COL26A1: variants seen among roughly 807,000 people sequenced by gnomAD.
COL26A1 encodes the protein collagen alpha-1(XXVI) chain.
COL26A1 carries 41 observed loss-of-function variants against 59.3 expected under a neutral mutation model. The observed-to-expected ratio is 0.69, with a 90% CI of 0.54 to 0.90. The LOEUF (loss-of-function observed/expected upper bound fraction) is 0.90. COL26A1 is among the 40% of genes least tolerant of loss of function. COL26A1 has a pLI of 0.00. For synonymous variants in COL26A1, 266 were observed against 256.0 expected, an observed-to-expected ratio of 1.04 and a Z score of -0.37; for missense variants, 612 against 602.3, an observed-to-expected ratio of 1.02 and a Z score of -0.17.
chr7:101,555,860 T>TCCCAATCA lies in COL26A1; in HGVS notation c.1154_1155insCCCAATCA (p.Gly386ProfsTer22). 6.2e-7 allele frequency: 1 copy of TCCCAATCA among 1,609,202 alleles called. No homozygotes were observed. Among genetic ancestry groups the TCCCAATCA allele is most frequent in the African/African-American group, 1.3e-5 (1 of 74,958 alleles). On this transcript the variant is annotated frameshift_variant, in exon 12 of 13. Coordinates refer to ENST00000313669, the MANE Select transcript of COL26A1 (RefSeq NM_001278563.3). LOFTEE classifies it high-confidence loss of function. The stretch of plus-strand genomic sequence containing the variant: ...CGAGTCCTCATCCTGGAGCACATGA[T>TCCCAATCA]TGGGATCCACGGTGAGCAGTGACCA...
At chr7:101,389,919 C>T (rs573900003) in intron 1 of COL26A1, among the ~76,000 whole-genome samples, 38 of 152,174 alleles carry the variant, frequency 2.5e-4, no homozygotes, top group Non-Finnish European at 1.6e-4. Context: ...CTCCAGAGCC[C>T]AGGAGATTTC....
chr7:101,556,646 AATGG>A (rs956812779), intron 12 of COL26A1, among the ~76,000 whole-genome samples: 9 of 151,066 alleles, frequency 6.0e-5, no homozygotes, highest in African/African-American at 1.7e-4. Flanking sequence ...TGAATGAGTG[AATGG>A]ATGGATGGAT....
intron 3 of COL26A1, among the ~76,000 whole-genome samples, chr7:101,503,416 T>C (rs1794743825): frequency 6.6e-6 from 1 of 152,136 alleles, no homozygotes; most frequent in East Asian, 1.9e-4. Context: ...CTGCCCTGCC[T>C]TGTCACCCAG....
rs372046475 is a variant in COL26A1 at position 101,363,054 on chromosome 7, C to T, written c.22C>T (p.Pro8Ser). ...CACGATGAAGCTGGCCCTGCTCCTG[C>T]CCTGGGCGTGTTGCTGCCTCTGCGG... is the stretch of plus-strand genomic sequence containing the variant. MKLALLL[P>S]WACCCLCGSA... The change falls in exon 1 of 13, where the codon CCC (proline) becomes TCC (serine). Residue 8 changes from proline (P) to serine (S), a missense_variant. Coordinates refer to ENST00000313669, the MANE Select transcript of COL26A1 (RefSeq NM_001278563.3). 189 of 1,581,918 alleles carry T rather than the reference C, an allele frequency of 1.2e-4. No homozygotes were observed. The highest frequency in any genetic ancestry group is 1.6e-4 in the Non-Finnish European group (185 of 1,172,834).
chr7:101,482,962 A>G (rs1359174803), intron 3 of COL26A1, among the ~76,000 whole-genome samples: 1 of 152,182 alleles, frequency 6.6e-6, no homozygotes, highest in Non-Finnish European at 1.5e-5. Flanking sequence ...TCTCAAAAAA[A>G]TGAAAAACAA....
chr7:101,408,760 T>C lies in COL26A1; in HGVS notation c.159-11217T>C, dbSNP rs1048193371. 3.3e-5 allele frequency among the ~76,000 whole-genome samples: 5 copies of C among 152,348 alleles called. No individual in the cohort carries two copies. In the Middle Eastern group the frequency reaches 0.01, roughly 311 times the overall value. ...CATATTTGCCTGGTTGTATTTCATG[T>C]TGTTAGACTTGGCTCCTTGCTGCGG... On this transcript the variant is annotated intron_variant, in intron 1 of 12. Coordinates refer to ENST00000313669, the MANE Select transcript of COL26A1 (RefSeq NM_001278563.3).
chr7:101,378,581 C>T (rs1791373278), intron 1 of COL26A1, among the ~76,000 whole-genome samples: 1 of 151,906 alleles, frequency 6.6e-6, no homozygotes, highest in Admixed American at 6.6e-5. Context: ...AGGCTGGTCT[C>T]GAACTCCTGG....
intron 3 of COL26A1, among the ~76,000 whole-genome samples, chr7:101,470,666 G>A (rs1418106114): frequency 6.6e-6 from 1 of 151,942 alleles, no homozygotes; most frequent in Non-Finnish European, 1.5e-5. Context: ...CTGAGTATCC[G>A]CTGTCCCAGA....
intron 3 of COL26A1, among the ~76,000 whole-genome samples, chr7:101,526,144 G>A (rs938996085): frequency 2.0e-5 from 3 of 151,994 alleles, no homozygotes; most frequent in Admixed American, 6.6e-5. Flanking sequence ...CGCCTCCTGG[G>A]TTCAAGCGAT....
chr7:101,425,551 C>T (rs1767437558), intron 2 of COL26A1, among the ~76,000 whole-genome samples: 1 of 152,038 alleles, frequency 6.6e-6, no homozygotes, highest in African/African-American at 2.4e-5. Flanking sequence ...GGCTGGAGTG[C>T]AGTGGCGTGA....
intron 1 of COL26A1, among the ~76,000 whole-genome samples, chr7:101,403,392 G>A (rs1792059271): frequency 6.6e-6 from 1 of 152,056 alleles, no homozygotes; most frequent in Non-Finnish European, 1.5e-5. Flanking sequence ...GGTGGTATGT[G>A]CCTGTAATCC....
At chr7:101,490,700 C>CA (rs1279391354) in intron 3 of COL26A1, among the ~76,000 whole-genome samples, 10 of 144,036 alleles carry the variant, frequency 6.9e-5, no homozygotes, top group Admixed American at 2.1e-4. Flanking sequence ...GACTCTATCT[C>CA]AAAAAAAAAG....
chr7:101,519,592 G>A (rs749303967), intron 3 of COL26A1, among the ~76,000 whole-genome samples: 2 of 152,178 alleles, frequency 1.3e-5, no homozygotes, highest in Non-Finnish European at 2.9e-5. Context: ...CTCAGCCACT[G>A]CCAGCTGGGG....
At chr7:101,452,697 G>A (rs1474908969) in intron 3 of COL26A1, among the ~76,000 whole-genome samples, 1 of 151,146 alleles carries the variant, frequency 6.6e-6, no homozygotes, top group Non-Finnish European at 1.5e-5. Context: ...GAATATAATG[G>A]TAAGTATTTG....
chr7:101,496,398 A>G (rs1482658004), intron 3 of COL26A1, among the ~76,000 whole-genome samples: 1 of 152,206 alleles, frequency 6.6e-6, no homozygotes, highest in Non-Finnish European at 1.5e-5. Context: ...GATGGGAGGA[A>G]ACCTCAAATC....
chr7:101,408,674 A>G (rs1792181129), intron 1 of COL26A1, among the ~76,000 whole-genome samples: 1 of 152,234 alleles, frequency 6.6e-6, no homozygotes, highest in South Asian at 2.1e-4. Flanking sequence ...ATTGTTGGCA[A>G]GAACCTCTAC....
At chr7:101,465,226 G>A (rs987225601) in intron 3 of COL26A1, among the ~76,000 whole-genome samples, 1 of 151,752 alleles carries the variant, frequency 6.6e-6, no homozygotes. Context: ...TTTTCACAGA[G>A]GTAGGTTCTC....
chr7:101,400,028 G>A (rs1297360037), intron 1 of COL26A1, among the ~76,000 whole-genome samples: 2 of 152,164 alleles, frequency 1.3e-5, no homozygotes, highest in Non-Finnish European at 2.9e-5. Context: ...GTGGCTGCGA[G>A]TGCTGTGGGC....
chr7:101,507,533 C>T (rs867892885), intron 3 of COL26A1, among the ~76,000 whole-genome samples: 1 of 146,504 alleles, frequency 6.8e-6, no homozygotes, highest in African/African-American at 2.5e-5. Context: ...GTGATCCTCC[C>T]ACTTCCCCAT....
Sources: gnomAD v4.1 joint callset for allele counts (sites outside exome capture counted in the v4.1 genomes callset) on GRCh38, gnomAD v4.1.1 for gene constraint, MANE v1.5 for transcripts, NCBI Gene and HGNC (gene_info 2026-07-23, HGNC 2026-07-21) for gene names.